SMARCAL1: variants seen among roughly 807,000 people sequenced by gnomAD.
SMARCAL1 encodes the protein ATP-driven annealing helicase.
SMARCAL1 carries 58 observed loss-of-function variants against 94.5 expected under a neutral mutation model. The ratio of observed to expected loss-of-function variants is 0.61; its 90% CI spans 0.50 to 0.76. The LOEUF (loss-of-function observed/expected upper bound fraction) is 0.76, where lower values mean the gene tolerates loss of function less well. Among genes scored for constraint, SMARCAL1 ranks in the 30% least tolerant of loss-of-function variants. The pLI, the probability that SMARCAL1 is intolerant of heterozygous loss-of-function variation, is 0.00. For missense variants in SMARCAL1, 1,051 were observed against 1,177.9 expected (o/e 0.89, Z 1.58); for synonymous variants, 422 against 455.1 (o/e 0.93, Z 0.93).
At chr2:216,464,253 C>T (rs1694778632) in intron 12 of SMARCAL1, among the ~76,000 whole-genome samples, 1 of 152,124 alleles carries the variant, frequency 6.6e-6, no homozygotes, top group African/African-American at 2.4e-5. Flanking sequence ...GTATGCTTAG[C>T]CAAGGCCACA....
chr2:216,437,488 C>T (rs1276349721), intron 9 of SMARCAL1, among the ~76,000 whole-genome samples: 1 of 152,148 alleles, frequency 6.6e-6, no homozygotes, highest in Non-Finnish European at 1.5e-5. Context: ...AGGCTGATAC[C>T]ATTGAGTGCT....
intron 13 of SMARCAL1, 143 bp downstream of exon 13, chr2:216,464,810 G>A: frequency 1.4e-6 from 1 of 718,330 alleles, no homozygotes; most frequent in Non-Finnish European, 2.4e-6. Context: ...GTTGAGGAAG[G>A]AAAAAATAAA....
chr2:216,464,603 C>G lies in SMARCAL1; in HGVS notation c.2077C>G (p.Gln693Glu). ...EMTTKDKTKQ[Q>E]QKDALILFFN... ...TTAACTTATCTTTCAACAGAAACAG[C>G]AGCAGAAAGATGCCCTCATTCTCTT... The change falls in exon 13 of 18, where the codon CAG (glutamine) becomes GAG (glutamate). Residue 693 changes from glutamine (Q) to glutamate (E), a missense_variant. Transcript: ENST00000357276. The G allele has an allele frequency of 6.2e-7, 1 of 1,611,878 alleles. No individual in the cohort carries two copies. The highest frequency in any genetic ancestry group is 8.5e-7 in the Non-Finnish European group (1 of 1,178,252).
chr2:216,454,448 G>A (rs1200376247), intron 12 of SMARCAL1, among the ~76,000 whole-genome samples: 1 of 152,218 alleles, frequency 6.6e-6, no homozygotes, highest in Non-Finnish European at 1.5e-5. Flanking sequence ...CATCAGCCCA[G>A]ATATTTGAGC....
chr2:216,474,416 A>C (rs1232884552), intron 14 of SMARCAL1, among the ~76,000 whole-genome samples: 27 of 141,334 alleles, frequency 1.9e-4, no homozygotes, highest in Non-Finnish European at 1.8e-4. Context: ...TTGGGATTAC[A>C]GGCATGAGCC....
intron 13 of SMARCAL1, among the ~76,000 whole-genome samples, chr2:216,467,221 AG>A (rs1694847349): frequency 6.6e-6 from 1 of 152,186 alleles, no homozygotes; most frequent in African/African-American, 2.4e-5. Flanking sequence ...CTGTAATCTC[AG>A]CACTTTGGGA....
intron 6 of SMARCAL1, among the ~76,000 whole-genome samples, chr2:216,426,803 C>T (rs1208608890): frequency 5.9e-5 from 9 of 152,162 alleles, no homozygotes; most frequent in African/African-American, 4.8e-5. Context: ...CTGGGGAATG[C>T]GCACCTCCTT....
intron 10 of SMARCAL1, among the ~76,000 whole-genome samples, chr2:216,439,430 A>G (rs549060168): frequency 1.3e-5 from 2 of 152,224 alleles, no homozygotes; most frequent in Admixed American, 1.3e-4. Context: ...CTCACAGATT[A>G]CTTTGGAGGT....
chr2:216,457,386 ATTC>A (rs1694590575), intron 12 of SMARCAL1, among the ~76,000 whole-genome samples: 1 of 152,240 alleles, frequency 6.6e-6, no homozygotes, highest in Admixed American at 6.5e-5. Context: ...CAGAATATAC[ATTC>A]TTCTCAGCAC....
Position 216,478,270 on chromosome 2 carries a change from A to G in SMARCAL1, c.2596A>G (p.Met866Val), listed in dbSNP as rs764757912. 1 of 1,614,134 alleles carries G rather than the reference A, an allele frequency of 6.2e-7. No homozygotes were observed. Among genetic ancestry groups the G allele is most frequent in the Non-Finnish European group, 8.5e-7 (1 of 1,179,962 alleles). The change falls in exon 17 of 18, where the codon ATG becomes GTG. Residue 866 changes from methionine (M) to valine (V), a missense_variant. This residue lies in a region of SMARCAL1 where 642 missense variants were observed against 754.7 expected (regional missense o/e 0.85). Transcript: ENST00000357276. Reference protein sequence around the residue: ...AGLSETNFSEMTESTDYLYKD... With the variant: ...AGLSETNFSEVTESTDYLYKD... ...GCTTTCTGAGACCAATTTTTCAGAA[A>G]TGACAGAATCCACTGATTACCTCTA...
At position 216,415,314 on chromosome 2, in the gene SMARCAL1, A is replaced by G; in HGVS notation, c.610A>G (p.Ile204Val). Reference sequence around the variant, plus strand: ...AAAAGCCTCCCCTTCGGGGCAGAACATTTCTTACATCCATTCTAGCTCAGA... The same window carrying G: ...AAAAGCCTCCCCTTCGGGGCAGAACGTTTCTTACATCCATTCTAGCTCAGA... ...TAKASPSGQNISYIHSSSESV... is the reference protein window; with the variant it reads ...TAKASPSGQNVSYIHSSSESV... Residue 204 changes from isoleucine (I) to valine (V), a missense_variant, in exon 3 of 18, where the codon ATT (isoleucine) becomes GTT (valine). By Grantham distance (29) the Ile-to-Val change is conservative. This residue lies in a region of SMARCAL1 where 398 missense variants were observed against 395.2 expected (regional missense o/e 1.01). Coordinates refer to ENST00000357276, the MANE Select transcript of SMARCAL1 (RefSeq NM_014140.4). The G allele has an allele frequency of 6.2e-7, 1 of 1,614,252 alleles. No individual in the cohort carries two copies. Among genetic ancestry groups the G allele is most frequent in the Non-Finnish European group, 8.5e-7 (1 of 1,180,046 alleles).
intron 9 of SMARCAL1, among the ~76,000 whole-genome samples, chr2:216,436,212 A>C (rs1694078915): frequency 1.3e-5 from 2 of 151,984 alleles, no homozygotes; most frequent in African/African-American, 2.4e-5. Flanking sequence ...CAGGTGATCC[A>C]CCCACCTTGG....
intron 7 of SMARCAL1, among the ~76,000 whole-genome samples, chr2:216,431,760 T>C (rs1028255765): frequency 6.6e-6 from 1 of 152,184 alleles, no homozygotes; most frequent in Non-Finnish European, 1.5e-5. Flanking sequence ...AATACACCTT[T>C]ATTCATGAAC....
At chr2:216,433,406 C>T (rs1210095170) in intron 8 of SMARCAL1, among the ~76,000 whole-genome samples, 3 of 152,054 alleles carry the variant, frequency 2.0e-5, no homozygotes, top group Non-Finnish European at 4.4e-5. Context: ...AATATTTTTA[C>T]CTCCTGTATT....
intron 6 of SMARCAL1, among the ~76,000 whole-genome samples, chr2:216,424,259 G>A (rs1049021931): frequency 6.6e-6 from 1 of 152,136 alleles, no homozygotes; most frequent in Non-Finnish European, 1.5e-5. Context: ...AGCCATTTTG[G>A]GTTTATCATT....
At position 216,477,246 on chromosome 2, in the gene SMARCAL1, A is replaced by G. The variant is rs775842985; in HGVS notation, c.2528+37A>G. The G allele has an allele frequency of 2.1e-6, 3 of 1,420,098 alleles. No individual in the cohort carries two copies. In the South Asian group the frequency reaches 3.7e-5, roughly 17 times the overall value. 88.0% of individuals were successfully genotyped at this position (1,420,098 alleles called of 1,614,324 possible). On this transcript the variant is annotated intron_variant, in intron 16 of 17. Coordinates refer to ENST00000357276, the MANE Select transcript of SMARCAL1 (RefSeq NM_014140.4). ...TTGGGTGGCCTGGCAGTTGGAGTCG[A>G]GCAAGGGTGGAAACTGATGATATGT...
chr2:216,452,574 C>G (rs966645924), intron 12 of SMARCAL1, among the ~76,000 whole-genome samples: 1 of 148,452 alleles, frequency 6.7e-6, no homozygotes. Context: ...CAGAGAACAC[C>G]CTCACCAATA....
At chr2:216,469,622 T>G (rs1026517824) in intron 14 of SMARCAL1, among the ~76,000 whole-genome samples, 5 of 152,216 alleles carry the variant, frequency 3.3e-5, no homozygotes, top group Non-Finnish European at 7.3e-5. Context: ...TGGATAGCTA[T>G]ACTGCAGTTT....
chr2:216,476,031 A>G (rs1695069743), intron 15 of SMARCAL1, among the ~76,000 whole-genome samples: 1 of 152,046 alleles, frequency 6.6e-6, no homozygotes, highest in Admixed American at 6.5e-5. Flanking sequence ...CATCATTGTG[A>G]GCTGCTTTAA....
Sources: gnomAD v4.1 joint callset for allele counts (sites outside exome capture counted in the v4.1 genomes callset) on GRCh38, gnomAD v4.1.1 for gene constraint, gnomAD v4.1.1 regional missense constraint, MANE v1.5 for transcripts, NCBI Gene and HGNC (gene_info 2026-07-23, HGNC 2026-07-21) for gene names.